ADAM12: variants seen among roughly 807,000 people sequenced by gnomAD.
The protein encoded by ADAM12 is ADAM metallopeptidase domain 12, also known as disintegrin and metalloproteinase domain-containing protein 12.
Under a neutral mutation model 106.4 loss-of-function variants are expected in ADAM12, and 70 were observed. The ratio of observed to expected loss-of-function variants is 0.66; its 90% CI spans 0.54 to 0.80. The LOEUF (loss-of-function observed/expected upper bound fraction) is 0.80, where lower values mean the gene tolerates loss of function less well. Ranked by LOEUF, ADAM12 falls within the 30% of genes least tolerant of loss-of-function variation. ADAM12 has a pLI of 0.00. For missense variants in ADAM12, 1,010 were observed against 1,171.9 expected (o/e 0.86, Z 2.02); for synonymous variants, 420 against 433.5 (o/e 0.97, Z 0.39).
chr10:126,076,209 T>C (rs1191446247), intron 11 of ADAM12, among the ~76,000 whole-genome samples: 1 of 152,234 alleles, frequency 6.6e-6, no homozygotes, highest in Non-Finnish European at 1.5e-5. Context: ...ACTAATTTGC[T>C]TAGGATAATG....
At chr10:126,368,435 C>T (rs11244967) in intron 1 of ADAM12, among the ~76,000 whole-genome samples, 12,334 of 144,546 alleles carry the variant, frequency 0.085, 580 homozygotes, top group East Asian at 0.19. Context: ...AAATAGGGTA[C>T]AACTTTAAGG....
intron 2 of ADAM12, among the ~76,000 whole-genome samples, chr10:126,291,485 C>T (rs1267308247): frequency 6.6e-6 from 1 of 152,206 alleles, no homozygotes; most frequent in Non-Finnish European, 1.5e-5. Flanking sequence ...ACCATGAAAA[C>T]ACACACTACA....
At chr10:126,055,279 T>C (rs554745810) in intron 14 of ADAM12, among the ~76,000 whole-genome samples, 19 of 152,252 alleles carry the variant, frequency 1.2e-4, no homozygotes, top group South Asian at 4.1e-4. Context: ...CAGTGCCACA[T>C]TGAAAGAGGC....
At chr10:126,108,551 T>A in intron 8 of ADAM12, 42 bp downstream of exon 8, 1 of 1,570,910 alleles carries the variant, frequency 6.4e-7, no homozygotes, top group Non-Finnish European at 8.8e-7. Context: ...TTTCCAAACA[T>A]TTACATGATC....
At chr10:126,142,354 T>G (rs981522437) in intron 4 of ADAM12, among the ~76,000 whole-genome samples, 1 of 152,226 alleles carries the variant, frequency 6.6e-6, no homozygotes, top group African/African-American at 2.4e-5. Context: ...GATTGTAGAT[T>G]AACTAAAAGT....
Position 126,358,176 on chromosome 10 carries a change from CA to C in ADAM12, c.89-27668del, listed in dbSNP as rs34098142. 6.7e-3 allele frequency among the ~76,000 whole-genome samples: 875 copies of C among 130,028 alleles called. 6 individuals carry two copies. The highest frequency in any genetic ancestry group is 0.023 in the African/African-American group (810 of 34,644). 85.3% of individuals were successfully genotyped at this position (130,028 alleles called of 152,430 possible). A position where few individuals can be genotyped will look rare whatever the true frequency, so the allele number is the denominator to read the frequency against. The stretch of plus-strand genomic sequence containing the variant: ...CCTGGGTGACCGTGAGACTCCGTCT[CA>C]AAAAAAAAAAAAAAGTAAAGAAAAT... On this transcript the variant is annotated intron_variant, in intron 1 of 22. Transcript: ENST00000448723.
At chr10:126,295,550 C>CACACACACACACAT (rs769757915) in intron 2 of ADAM12, among the ~76,000 whole-genome samples, 92 of 143,970 alleles carry the variant, frequency 6.4e-4, no homozygotes, top group South Asian at 1.5e-3. Flanking sequence ...CACACACATA[C>CACACACACACACAT]ACACACACAC....
intron 3 of ADAM12, among the ~76,000 whole-genome samples, chr10:126,173,959 ACAACATAT>A (rs952065100): frequency 2.6e-5 from 4 of 151,622 alleles, no homozygotes; most frequent in Non-Finnish European, 5.9e-5. Context: ...AATCATACAA[ACAACATAT>A]ATATGCCTAT....
intron 3 of ADAM12, among the ~76,000 whole-genome samples, chr10:126,190,504 C>A (rs1237883477): frequency 6.6e-6 from 1 of 152,094 alleles, no homozygotes; most frequent in Non-Finnish European, 1.5e-5. Flanking sequence ...CCACACCCGG[C>A]CCCAATTCAT....
In ADAM12 at chr10:126,053,642, TA is replaced by T. The variant is rs1017083965; in HGVS notation, c.1610-3974del. Among the ~76,000 whole-genome samples, 17 of 148,746 alleles carry T rather than the reference TA, an allele frequency of 1.1e-4. No homozygotes were observed. The highest frequency in any genetic ancestry group is 3.4e-4 in the Admixed American group (5 of 14,916). ...AATCACATTTTAATTTAGATTGTCT[TA>T]AAAAAAAAACCTCTCCCACACCGTG... is the stretch of plus-strand genomic sequence containing the variant. On this transcript the variant is annotated intron_variant, in intron 14 of 22. Transcript: ENST00000448723. This position sits in a 1 kb window ranked among gnomAD's most constrained non-coding sequence, Gnocchi z 4.6.
chr10:126,302,671 T>C (rs1428058079), intron 2 of ADAM12, among the ~76,000 whole-genome samples: 1 of 152,144 alleles, frequency 6.6e-6, no homozygotes, highest in Non-Finnish European at 1.5e-5. Flanking sequence ...TTGTATTCAA[T>C]TGTTTTTTAA....
chr10:126,224,174 C>A (rs1172437957), intron 3 of ADAM12, among the ~76,000 whole-genome samples: 1 of 151,980 alleles, frequency 6.6e-6, no homozygotes, highest in Non-Finnish European at 1.5e-5. Context: ...CTCAGGGGAG[C>A]CCAGAGAGGG....
intron 1 of ADAM12, among the ~76,000 whole-genome samples, chr10:126,360,284 C>T (rs913811927): frequency 6.6e-6 from 1 of 152,172 alleles, no homozygotes; most frequent in African/African-American, 2.4e-5. Context: ...ATTACTTATG[C>T]AAATTTATGC....
chr10:126,172,508 C>A (rs926115321), intron 3 of ADAM12, among the ~76,000 whole-genome samples: 8 of 152,144 alleles, frequency 5.3e-5, no homozygotes, highest in Admixed American at 1.3e-4. Context: ...CAAAAAAAAG[C>A]TCATCATCAC....
chr10:126,375,691 T>C (rs1590841125), intron 1 of ADAM12, among the ~76,000 whole-genome samples: 2 of 109,346 alleles, frequency 1.8e-5, no homozygotes, highest in Non-Finnish European at 3.6e-5. Context: ...TTATTTTCAT[T>C]AAAGTTAAAA....
chr10:126,113,731 T>TAAAA (rs1554970680), intron 6 of ADAM12, among the ~76,000 whole-genome samples: 33 of 25,958 alleles, frequency 1.3e-3, no homozygotes, highest in African/African-American at 4.9e-3. Context: ...TATATATATA[T>TAAAA]AATATATTGC....
At chr10:126,224,237 C>T (rs1213143517) in intron 3 of ADAM12, among the ~76,000 whole-genome samples, 1 of 152,186 alleles carries the variant, frequency 6.6e-6, no homozygotes, top group African/African-American at 2.4e-5. Flanking sequence ...GTTAGAGCCA[C>T]CCTCATGTTC....
chr10:126,374,116 C>T (rs1353830571), intron 1 of ADAM12, among the ~76,000 whole-genome samples: 2 of 152,192 alleles, frequency 1.3e-5, no homozygotes, highest in African/African-American at 4.8e-5. Context: ...AAACTTCAAG[C>T]CTTTGCCACA....
At chr10:126,340,006 C>G (rs1490206410) in intron 1 of ADAM12, among the ~76,000 whole-genome samples, 1 of 151,992 alleles carries the variant, frequency 6.6e-6, no homozygotes, top group Non-Finnish European at 1.5e-5. Flanking sequence ...AGGTGCATAC[C>G]ACCACACCTA....
Sources: allele counts gnomAD v4.1 joint callset (sites outside exome capture counted in the v4.1 genomes callset), GRCh38; gene constraint gnomAD v4.1.1; non-coding constraint Gnocchi (gnomAD v3.1); transcripts MANE v1.5; gene names NCBI Gene and HGNC (gene_info 2026-07-23, HGNC 2026-07-21).